ALX4: variants seen among roughly 807,000 people sequenced by gnomAD.
ALX4 encodes the protein ALX homeobox 4.
Under a neutral mutation model 40.6 loss-of-function variants are expected in ALX4, and 22 were observed. The observed-to-expected ratio is 0.54, with a 90% CI of 0.39 to 0.77. ALX4 has a LOEUF of 0.77. Ranked by LOEUF, ALX4 falls within the 30% of genes least tolerant of loss-of-function variation. The probability of loss-of-function intolerance (pLI) is 0.00; values close to 1 mark genes in which losing one functional copy is unlikely to be tolerated. For missense variants in ALX4, 556 were observed against 564.8 expected (o/e 0.98, Z 0.16); for synonymous variants, 266 against 240.5 (o/e 1.11, Z -0.98).
chr11:44,285,080 G>A (rs1251784149), intron 1 of ALX4, among the ~76,000 whole-genome samples: 1 of 151,978 alleles, frequency 6.6e-6, no homozygotes, highest in Admixed American at 6.6e-5. Flanking sequence ...TTCTCCTGCC[G>A]CAGCCTCCTG....
At chr11:44,277,005 A>G (rs1030892890) in intron 1 of ALX4, among the ~76,000 whole-genome samples, 1 of 152,068 alleles carries the variant, frequency 6.6e-6, no homozygotes. Context: ...TGGACTCTTG[A>G]TAGCCCCGCC....
chr11:44,290,418 C>A (rs10838251), intron 1 of ALX4, among the ~76,000 whole-genome samples: 102,679 of 152,102 alleles, frequency 0.68, 34,911 homozygotes, highest in South Asian at 0.89. Flanking sequence ...ATGCACTGGG[C>A]AAAGTTCCAG....
At chr11:44,286,864 TGACA>T (rs1368109827) in intron 1 of ALX4, among the ~76,000 whole-genome samples, 5 of 152,092 alleles carry the variant, frequency 3.3e-5, no homozygotes, top group Non-Finnish European at 7.4e-5. Context: ...AGTGACTGAG[TGACA>T]GACAGGCTGA....
chr11:44,303,462 C>T (rs577662930), intron 1 of ALX4, among the ~76,000 whole-genome samples: 1 of 152,252 alleles, frequency 6.6e-6, no homozygotes, highest in African/African-American at 2.4e-5. Context: ...CTCACCAAAA[C>T]GGCACCCTGG....
chr11:44,267,050 A>G (rs1481619862), intron 3 of ALX4, among the ~76,000 whole-genome samples: 1 of 152,192 alleles, frequency 6.6e-6, no homozygotes, highest in Admixed American at 6.5e-5. Context: ...CTAAAGTGAG[A>G]AAGACCTGGA....
chr11:44,280,365 G>T (rs558083666), intron 1 of ALX4, among the ~76,000 whole-genome samples: 1 of 152,222 alleles, frequency 6.6e-6, no homozygotes, highest in Non-Finnish European at 1.5e-5. Flanking sequence ...AGAGAAGACC[G>T]CCAGGGAGCT....
At chr11:44,309,554 A>T in intron 1 of ALX4, 43 bp downstream of exon 1, 1 of 1,541,752 alleles carries the variant, frequency 6.5e-7, no homozygotes, top group Non-Finnish European at 8.7e-7. Context: ...GAAGCCAAGC[A>T]CCCCGTGGTC....
intron 1 of ALX4, among the ~76,000 whole-genome samples, chr11:44,281,087 C>A (rs1956307350): frequency 6.6e-6 from 1 of 152,086 alleles, no homozygotes; most frequent in African/African-American, 2.4e-5. Flanking sequence ...GAGAGGTTTC[C>A]AAAGGTGACT....
chr11:44,283,722 C>A (rs1000501069), intron 1 of ALX4, among the ~76,000 whole-genome samples: 22 of 147,690 alleles, frequency 1.5e-4, no homozygotes, highest in Non-Finnish European at 4.6e-5. Context: ...GGCCACCACA[C>A]CCCGCTCATT....
Position 44,309,737 on chromosome 11 carries a change from T to TGCTGCG in ALX4, c.320_325dup (p.Pro107_Gln108dup), listed in dbSNP as rs201777848. ...GGGCGGCTGGGGCTGCGGCTGCTGC[T>TGCTGCG]GCTGCGGCTGCGGCTGCGGCGGCGG... On this transcript the variant is annotated inframe_insertion, in exon 1 of 4. Coordinates refer to ENST00000652299, the MANE Select transcript of ALX4 (RefSeq NM_021926.4). 2.0e-5 allele frequency: 31 copies of TGCTGCG among 1,555,016 alleles called. No individual in the cohort carries two copies. The highest frequency in any genetic ancestry group is 2.7e-5 in the African/African-American group (2 of 72,742).
chr11:44,299,354 G>GCT, intron 1 of ALX4, among the ~76,000 whole-genome samples: 1 of 113,078 alleles, frequency 8.8e-6, no homozygotes, highest in African/African-American at 3.5e-5. Context: ...GGGGGCCATG[G>GCT]TTTTTTTTTT....
At chr11:44,275,735 G>T in intron 1 of ALX4, 77 bp from the exon 2 acceptor site, 1 of 1,434,534 alleles carries the variant, frequency 7.0e-7, no homozygotes, top group Middle Eastern at 2.0e-4. Context: ...GGGAGAGTGG[G>T]GCACTCGGGT....
At chr11:44,307,335 G>A (rs1203655848) in intron 1 of ALX4, among the ~76,000 whole-genome samples, 1 of 152,206 alleles carries the variant, frequency 6.6e-6, no homozygotes, top group African/African-American at 2.4e-5. Context: ...ACGGGTTAGG[G>A]GCAGTAGCGG....
chr11:44,271,754 T>C (rs150771280), intron 2 of ALX4, among the ~76,000 whole-genome samples: 57 of 152,294 alleles, frequency 3.7e-4, no homozygotes, highest in Non-Finnish European at 6.5e-4. Context: ...TTTAGTTGTA[T>C]GGTGGCAACT....
At chr11:44,287,982 G>T (rs1355072076) in intron 1 of ALX4, among the ~76,000 whole-genome samples, 1 of 152,150 alleles carries the variant, frequency 6.6e-6, no homozygotes, top group Middle Eastern at 3.4e-3. Flanking sequence ...CTCTTTTTTT[G>T]TTTGTTTGTT....
At chr11:44,300,756 T>C (rs1017646356) in intron 1 of ALX4, among the ~76,000 whole-genome samples, 30 of 152,080 alleles carry the variant, frequency 2.0e-4, no homozygotes, top group African/African-American at 7.0e-4. Flanking sequence ...CATGACTATT[T>C]CCATAGAAAA....
chr11:44,273,144 A>G (rs1956258747), intron 2 of ALX4, among the ~76,000 whole-genome samples: 1 of 150,708 alleles, frequency 6.6e-6, no homozygotes, highest in Non-Finnish European at 1.5e-5. Context: ...TCTCTGTCCT[A>G]ACATTGAAGG....
rs146405959 is a variant in ALX4 at position 44,285,098 on chromosome 11, G to T, written c.467-9440C>A. 5.3e-3 allele frequency among the ~76,000 whole-genome samples: 805 copies of T among 152,226 alleles called. 7 individuals carry two copies. The highest frequency in any genetic ancestry group is 0.018 in the African/African-American group (735 of 41,514). On this transcript the variant is annotated intron_variant, in intron 1 of 3. Transcript: ENST00000652299. ...TCCTGCCGCAGCCTCCTGAGTAGCT[G>T]GGATTACAGGCACCCAGCACCACGC...
chr11:44,282,623 G>C (rs1956316172), intron 1 of ALX4, among the ~76,000 whole-genome samples: 1 of 152,222 alleles, frequency 6.6e-6, no homozygotes, highest in African/African-American at 2.4e-5. Context: ...GGTCTATCCA[G>C]GCCATGGATC....
Sources: gnomAD v4.1 joint callset for allele counts (sites outside exome capture counted in the v4.1 genomes callset) on GRCh38, gnomAD v4.1.1 for gene constraint, MANE v1.5 for transcripts, NCBI Gene and HGNC (gene_info 2026-07-23, HGNC 2026-07-21) for gene names.